Variants in MAST3 observed in about 807,000 individuals in gnomAD.
MAST3 encodes microtubule-associated serine/threonine-protein kinase 3.
A neutral mutation model predicts 127.0 loss-of-function variants in MAST3; 43 were observed. The ratio of observed to expected loss-of-function variants is 0.34; its 90% CI spans 0.27 to 0.44. The LOEUF is 0.44. Ranked by LOEUF, MAST3 falls within the 20% of genes least tolerant of loss-of-function variation. The pLI is 1.00. For missense variants in MAST3, 1,390 were observed against 1,919.1 expected, an observed-to-expected ratio of 0.72 and a Z score of 5.15; for synonymous variants, 785 against 809.2, an observed-to-expected ratio of 0.97 and a Z score of 0.51.
intron 6 of MAST3, 145 bp downstream of exon 6, chr19:18,122,896 G>A: frequency 3.2e-6 from 3 of 951,216 alleles, no homozygotes; most frequent in East Asian, 2.6e-5. Context: ...CCCATTCTGG[G>A]AAATGCAGGG....
intron 14 of MAST3, among the ~76,000 whole-genome samples, chr19:18,131,572 G>A (rs1481611411): frequency 7.3e-6 from 1 of 136,528 alleles, no homozygotes; most frequent in African/African-American, 2.7e-5. Flanking sequence ...GGTGGTGTGC[G>A]CCTGTAATCC....
At chr19:18,147,731 A>G in intron 27 of MAST3, 107 bp downstream of exon 27, 1 of 807,528 alleles carries the variant, frequency 1.2e-6, no homozygotes, top group Non-Finnish European at 1.9e-6. Flanking sequence ...CGATGTAGGG[A>G]AAAAGATGAC....
chr19:18,133,192 C>T (rs2041510295), intron 15 of MAST3, among the ~76,000 whole-genome samples: 1 of 151,970 alleles, frequency 6.6e-6, no homozygotes. Flanking sequence ...CTGCTGTATA[C>T]TTGGGCCTGT....
intron 1 of MAST3, chr19:18,098,700 C>A: frequency 2.2e-6 from 1 of 456,680 alleles, no homozygotes; most frequent in Non-Finnish European, 4.4e-6. Flanking sequence ...ACTTAGACCA[C>A]ACCCTTAAGA....
intron 1 of MAST3, among the ~76,000 whole-genome samples, chr19:18,101,351 C>T (rs946557477): frequency 6.8e-6 from 1 of 146,114 alleles, no homozygotes; most frequent in African/African-American, 2.5e-5. Flanking sequence ...CCTCCTCCTC[C>T]TCCTCCTCCT....
rs202104754 is a variant in MAST3, at chr19:18,121,844, C to T, written c.251-9C>T. On this transcript the variant is annotated splice_polypyrimidine_tract_variant and intron_variant, in intron 4 of 27. Transcript: ENST00000687212. ...CGCTGACTCAGTTTCCCCGCCTCCT[C>T]CTCAGCAGGCAGCAGCCCCTTGGAT... The T allele has an allele frequency of 4.3e-6, 7 of 1,613,896 alleles. No homozygotes were observed. The Admixed American group carries it at 6.7e-5, about 15-fold the overall frequency.
intron 1 of MAST3, among the ~76,000 whole-genome samples, chr19:18,105,232 T>G (rs1397252117): frequency 1.3e-5 from 2 of 151,894 alleles, no homozygotes; most frequent in Non-Finnish European, 2.9e-5. Flanking sequence ...CCAGGCATGC[T>G]GGCACACACC....
chr19:18,130,440 T>C (rs2041154582), intron 13 of MAST3, 54 bp from the exon 14 acceptor site: 3 of 1,491,574 alleles, frequency 2.0e-6, no homozygotes, highest in Non-Finnish European at 2.7e-6. Context: ...TGAGCTGTAG[T>C]GCCTGCTGGG....
At position 18,145,943 on chromosome 19, in the gene MAST3, G is replaced by C; in HGVS notation, c.3162+78G>C. 1 of 1,469,992 alleles carries C rather than the reference G, an allele frequency of 6.8e-7. No individual in the cohort carries two copies. The allele number at this position is 1,469,992 out of a possible 1,614,324, so 91.1% of individuals were successfully genotyped here. On this transcript the variant is annotated intron_variant, in intron 25 of 27. Transcript: ENST00000687212. The surrounding 1 kb of genome is among the most constrained non-coding windows in gnomAD (Gnocchi z 5.9). Reference sequence around the variant, plus strand: ...AGCTCCCGGTTCCCCGTGGTTCTCCGCGTCCAGACACACAACCCCACATTC... The same window carrying C: ...AGCTCCCGGTTCCCCGTGGTTCTCCCCGTCCAGACACACAACCCCACATTC...
intron 6 of MAST3, 97 bp from the exon 7 acceptor site, chr19:18,123,120 G>A: frequency 7.5e-7 from 1 of 1,325,624 alleles, no homozygotes; most frequent in Non-Finnish European, 1.1e-6. Flanking sequence ...CCTTCTGATG[G>A]CCAGCAGGCA....
chr19:18,120,441 T>C (rs550706328), intron 3 of MAST3, among the ~76,000 whole-genome samples: 148 of 152,264 alleles, frequency 9.7e-4, no homozygotes, highest in Non-Finnish European at 1.8e-3. Context: ...GAAAAGCTGG[T>C]CCAGGGGCTC....
At chr19:18,098,886 C>A in intron 1 of MAST3, 1 of 442,872 alleles carries the variant, frequency 2.3e-6, no homozygotes, top group Non-Finnish European at 4.5e-6. Context: ...GCAGCGGTGA[C>A]CCCACGGAGT....
intron 20 of MAST3, among the ~76,000 whole-genome samples, chr19:18,140,973 T>C (rs1260712941): frequency 6.6e-6 from 1 of 151,818 alleles, no homozygotes. Context: ...TTTGTATTTT[T>C]AGTAGCGACC....
intron 20 of MAST3, among the ~76,000 whole-genome samples, chr19:18,141,634 G>T (rs1397036572): frequency 6.6e-6 from 1 of 151,902 alleles, no homozygotes; most frequent in Non-Finnish European, 1.5e-5. Context: ...CAGCCTCCCA[G>T]AGTGGTGGGA....
At chr19:18,119,656 T>C (rs563576509) in intron 3 of MAST3, among the ~76,000 whole-genome samples, 1 of 152,280 alleles carries the variant, frequency 6.6e-6, no homozygotes, top group East Asian at 1.9e-4. Context: ...CAACAGTGTA[T>C]GTACCCGAGT....
chr19:18,113,222 T>C (rs1201137413), intron 3 of MAST3, among the ~76,000 whole-genome samples: 1 of 151,870 alleles, frequency 6.6e-6, no homozygotes, highest in Non-Finnish European at 1.5e-5. Flanking sequence ...CTGCCTGCCA[T>C]GTTCCAAGCA....
intron 1 of MAST3, among the ~76,000 whole-genome samples, chr19:18,101,219 G>T (rs533528059): frequency 5.9e-5 from 9 of 152,242 alleles, no homozygotes; most frequent in African/African-American, 2.2e-4. Context: ...AGCATCCCCC[G>T]GCAGAGAAGG....
rs2038749989 is a variant in MAST3, at chr19:18,112,438, G to T, written c.161+1697G>T. Among the ~76,000 whole-genome samples the T allele has an allele frequency of 6.6e-6, 1 of 152,070 alleles. No individual in the cohort carries two copies. The highest frequency in any genetic ancestry group is 2.4e-5 in the African/African-American group (1 of 41,392). On this transcript the variant is annotated intron_variant, in intron 3 of 27. Coordinates refer to ENST00000687212, the MANE Select transcript of MAST3 (RefSeq NM_001393504.1). This position sits in a 1 kb window ranked among gnomAD's most constrained non-coding sequence, Gnocchi z 4.1. ...CAACCTCCGCCTCCTAGGTTCAGGTGATTCTCCTGCCTCAGCCTCCCAAGT... is the reference window on the plus strand; with the variant it reads ...CAACCTCCGCCTCCTAGGTTCAGGTTATTCTCCTGCCTCAGCCTCCCAAGT...
chr19:18,107,014 C>T (rs2038134002), intron 1 of MAST3, among the ~76,000 whole-genome samples: 1 of 119,398 alleles, frequency 8.4e-6, no homozygotes, highest in Non-Finnish European at 1.6e-5. Context: ...CGGGGTTTCA[C>T]TCTGTTGCCC....
Sources: gnomAD v4.1 joint callset for allele counts (sites outside exome capture counted in the v4.1 genomes callset) on GRCh38, gnomAD v4.1.1 for gene constraint, Gnocchi (gnomAD v3.1) non-coding constraint, MANE v1.5 for transcripts, NCBI Gene and HGNC (gene_info 2026-07-23, HGNC 2026-07-21) for gene names.